The following CNTN3 variants were observed in gnomAD, a reference collection of about 807,000 sequenced individuals.
CNTN3 encodes contactin-3.
A neutral mutation model predicts 119.1 loss-of-function variants in CNTN3; 60 were observed. That is an observed-to-expected ratio of 0.50 (90% CI 0.41 to 0.62). CNTN3 has a LOEUF of 0.62. Among genes scored for constraint, CNTN3 ranks in the 20% least tolerant of loss-of-function variants. CNTN3 has a pLI of 0.00. For missense variants in CNTN3, 1,101 were observed against 1,242.4 expected (o/e 0.89, Z 1.71); for synonymous variants, 450 against 438.7 (o/e 1.03, Z -0.32).
At chr3:74,282,260 TA>T (rs62855861) in intron 20 of CNTN3, among the ~76,000 whole-genome samples, 14,760 of 152,248 alleles carry the variant, frequency 0.097, 803 homozygotes, top group East Asian at 0.19. Context: ...TGTGTTATTT[TA>T]CATTAATCAG....
chr3:74,501,789 A>AG lies in CNTN3; in HGVS notation c.56-2005dup, dbSNP rs1438551608. On this transcript the variant is annotated intron_variant, in intron 2 of 22. Transcript: ENST00000263665. ...TTCATCTATCAGGGGAAATTGCCAA[A>AG]GGAAAAAAAAAAAGCTTCCGTTTCC... Among the ~76,000 whole-genome samples, 16 of 18,074 alleles carry AG rather than the reference A, an allele frequency of 8.9e-4. No individual in the cohort carries two copies. In the East Asian group the frequency reaches 0.024, roughly 27 times the overall value. The allele number at this position is 18,074 out of a possible 152,430, so 11.9% of individuals were successfully genotyped here.
At chr3:74,460,311 C>CA (rs990445700) in intron 4 of CNTN3, among the ~76,000 whole-genome samples, 1 of 151,888 alleles carries the variant, frequency 6.6e-6, no homozygotes, top group African/African-American at 2.4e-5. Flanking sequence ...AACTAGCAAA[C>CA]ACAAAGACCT....
At chr3:74,491,550 G>A (rs1463104493) in intron 3 of CNTN3, among the ~76,000 whole-genome samples, 1 of 151,990 alleles carries the variant, frequency 6.6e-6, no homozygotes, top group East Asian at 1.9e-4. Context: ...GAAGGGATAC[G>A]CAGGTTCAGC....
intron 4 of CNTN3, among the ~76,000 whole-genome samples, chr3:74,482,346 G>C (rs1702777389): frequency 6.6e-6 from 1 of 151,844 alleles, no homozygotes; most frequent in Non-Finnish European, 1.5e-5. Context: ...ACATATTAAA[G>C]AAAGACGGCA....
intron 19 of CNTN3, 112 bp downstream of exon 19, chr3:74,295,009 A>T (rs1702310155): frequency 1.7e-6 from 1 of 580,412 alleles, no homozygotes; most frequent in Non-Finnish European, 3.0e-6. Flanking sequence ...TGATAAAAAA[A>T]TTTCGGCCAA....
intron 1 of CNTN3, among the ~76,000 whole-genome samples, chr3:74,540,060 T>G (rs1328746253): frequency 6.6e-6 from 1 of 152,106 alleles, no homozygotes. Flanking sequence ...ACTGGGAAAG[T>G]GCACAGTTAG....
At chr3:74,407,496 C>G (rs1287816541) in intron 5 of CNTN3, among the ~76,000 whole-genome samples, 2 of 149,078 alleles carry the variant, frequency 1.3e-5, no homozygotes, top group Non-Finnish European at 3.0e-5. Context: ...TGGTCTCAAA[C>G]TCCTGACCTC....
In CNTN3 at chr3:74,286,979, T is replaced by G. The variant is rs543540305; in HGVS notation, c.2518-1488A>C. On this transcript the variant is annotated intron_variant, in intron 19 of 22. Transcript: ENST00000263665. Reference sequence around the variant, plus strand: ...CACACACCTGAGGCAGGGGCTTGTCTGTCTTGGTTATCACCATATCTTTAA... The same window carrying G: ...CACACACCTGAGGCAGGGGCTTGTCGGTCTTGGTTATCACCATATCTTTAA... 7.9e-5 allele frequency among the ~76,000 whole-genome samples: 12 copies of G among 152,340 alleles called. No individual in the cohort carries two copies. The East Asian group carries it at 2.3e-3, about 29-fold the overall frequency.
intron 4 of CNTN3, among the ~76,000 whole-genome samples, chr3:74,458,924 C>T (rs6768622): frequency 0.71 from 107,722 of 151,922 alleles, 38,568 homozygotes; most frequent in African/African-American, 0.8. Flanking sequence ...TCCATGTATG[C>T]TCTCTTCCAG....
chr3:74,427,966 T>C (rs1213606346), intron 4 of CNTN3, among the ~76,000 whole-genome samples: 2 of 152,162 alleles, frequency 1.3e-5, no homozygotes, highest in African/African-American at 4.8e-5. Flanking sequence ...TCTTCCCAAA[T>C]TAATACACTG....
intron 1 of CNTN3, among the ~76,000 whole-genome samples, chr3:74,545,238 A>G (rs1167837092): frequency 1.3e-5 from 2 of 152,216 alleles, no homozygotes; most frequent in African/African-American, 4.8e-5. Context: ...TGTTTTTAAA[A>G]TTTCTAAATA....
At chr3:74,272,690 C>T (rs1422382565) in intron 20 of CNTN3, among the ~76,000 whole-genome samples, 3 of 152,070 alleles carry the variant, frequency 2.0e-5, no homozygotes, top group African/African-American at 7.2e-5. Flanking sequence ...AGAAAAATTC[C>T]CTTGTAATCT....
At chr3:74,523,588 A>G (rs544388782) in intron 1 of CNTN3, among the ~76,000 whole-genome samples, 1 of 151,976 alleles carries the variant, frequency 6.6e-6, no homozygotes, top group East Asian at 2.0e-4. Context: ...CTAACTTAGA[A>G]GGAATTCGGC....
intron 18 of CNTN3, among the ~76,000 whole-genome samples, chr3:74,296,352 G>A (rs1702338556): frequency 6.6e-6 from 1 of 152,120 alleles, no homozygotes; most frequent in African/African-American, 2.4e-5. Context: ...CAGGTAAACA[G>A]TGTCCGAAAA....
chr3:74,480,412 C>G (rs944928061), intron 4 of CNTN3, among the ~76,000 whole-genome samples: 7 of 151,932 alleles, frequency 4.6e-5, no homozygotes, highest in Non-Finnish European at 1.0e-4. Context: ...AATGCAACAT[C>G]ATATTGCTGT....
At chr3:74,518,276 C>T (rs902339056) in intron 2 of CNTN3, among the ~76,000 whole-genome samples, 2 of 151,806 alleles carry the variant, frequency 1.3e-5, no homozygotes, top group Non-Finnish European at 1.5e-5. Context: ...TTCTCACATG[C>T]GTACTCTGAT....
intron 11 of CNTN3, among the ~76,000 whole-genome samples, chr3:74,342,369 T>C (rs1454517457): frequency 6.6e-6 from 1 of 152,154 alleles, no homozygotes; most frequent in Non-Finnish European, 1.5e-5. Context: ...TGGGCTTTCA[T>C]GTTATAAATT....
At chr3:74,399,533 C>G in intron 5 of CNTN3, among the ~76,000 whole-genome samples, 1 of 152,056 alleles carries the variant, frequency 6.6e-6, no homozygotes, top group South Asian at 2.1e-4. Context: ...TTTCTTTATC[C>G]AGTCTATCAT....
At chr3:74,315,224 G>A (rs970299823) in intron 13 of CNTN3, among the ~76,000 whole-genome samples, 1 of 152,176 alleles carries the variant, frequency 6.6e-6, no homozygotes, top group Non-Finnish European at 1.5e-5. Context: ...CTGAGGAGTT[G>A]CTGTCCCTTT....
Sources: gnomAD v4.1 joint callset for allele counts (sites outside exome capture counted in the v4.1 genomes callset) on GRCh38, gnomAD v4.1.1 for gene constraint, MANE v1.5 for transcripts, NCBI Gene and HGNC (gene_info 2026-07-23, HGNC 2026-07-21) for gene names.